SLIT3: variants seen among roughly 807,000 people sequenced by gnomAD.
SLIT3 encodes slit homolog 3 protein.
Under a neutral mutation model 184.0 loss-of-function variants are expected in SLIT3, and 68 were observed. That is an observed-to-expected ratio of 0.37 (90% CI 0.30 to 0.45). The LOEUF is 0.45. SLIT3 is among the 20% of genes least tolerant of loss of function. SLIT3 has a pLI of 1.00. For missense variants in SLIT3, 1,707 were observed against 2,026.0 expected (o/e 0.84, Z 3.02); for synonymous variants, 831 against 828.6 (o/e 1.00, Z -0.05).
rs376424890 is a variant in SLIT3, at chr5:169,077,656, C to T, written c.413+115823G>A. Among the ~76,000 whole-genome samples the T allele has an allele frequency of 1.1e-4, 16 of 152,238 alleles. No individual in the cohort carries two copies. The East Asian group carries it at 1.7e-3, about 17-fold the overall frequency. On this transcript the variant is annotated intron_variant, in intron 4 of 35. Transcript: ENST00000519560. ...ATTAGGCTATTAGTAGCTAAGTTTT[C>T]GGGGAGTCAAAAGTTAAACAGAGAT... is the stretch of plus-strand genomic sequence containing the variant.
At chr5:168,680,231 G>C (rs1396204555) in intron 32 of SLIT3, among the ~76,000 whole-genome samples, 2 of 152,214 alleles carry the variant, frequency 1.3e-5, no homozygotes, top group African/African-American at 4.8e-5. Context: ...GCTGGCATGT[G>C]AGTCTGGCCT....
intron 4 of SLIT3, among the ~76,000 whole-genome samples, chr5:169,019,240 C>T (rs879458901): frequency 3.9e-5 from 6 of 152,156 alleles, no homozygotes; most frequent in South Asian, 2.1e-4. Context: ...GGGGGTCGAC[C>T]TTTGCAGAGG....
At chr5:168,966,684 T>A (rs1763208136) in intron 4 of SLIT3, among the ~76,000 whole-genome samples, 1 of 152,162 alleles carries the variant, frequency 6.6e-6, no homozygotes, top group African/African-American at 2.4e-5. Context: ...ACTCTAAATA[T>A]CCCCCATGCC....
At chr5:168,778,024 A>C (rs1270068085) in intron 12 of SLIT3, among the ~76,000 whole-genome samples, 1 of 152,216 alleles carries the variant, frequency 6.6e-6, no homozygotes, top group Non-Finnish European at 1.5e-5. Context: ...TCCTGAACAC[A>C]GGCCTCCCTC....
chr5:169,300,576 A>G lies in SLIT3; in HGVS notation c.134T>C (p.Val45Ala). Residue 45 changes from valine (V) to alanine (A), a missense_variant, in exon 1 of 36, where the codon GTG (valine) becomes GCG (alanine). By Grantham distance (64) the Val-to-Ala change is moderately conservative. Coordinates refer to ENST00000519560, the MANE Select transcript of SLIT3 (RefSeq NM_003062.4). This position sits in a 1 kb window ranked among gnomAD's most constrained non-coding sequence, Gnocchi z 4.1. ...PTKCTCSAAS[V>A]DCHGLGLRAV... ...GCGGAGGCCCAGCCCGTGGCAGTCC[A>G]CGCTGGCAGCGGAGCAGGTACACTT... 6.6e-7 allele frequency: 1 copy of G among 1,513,934 alleles called. No individual in the cohort carries two copies. Among genetic ancestry groups the G allele is most frequent in the East Asian group, 2.7e-5 (1 of 36,838 alleles). 93.8% of individuals were successfully genotyped at this position (1,513,934 alleles called of 1,614,324 possible). A position where few individuals can be genotyped will look rare whatever the true frequency, so the allele number is the denominator to read the frequency against.
chr5:168,865,629 C>G (rs1366839994), intron 5 of SLIT3, among the ~76,000 whole-genome samples: 1 of 152,192 alleles, frequency 6.6e-6, no homozygotes, highest in African/African-American at 2.4e-5. Flanking sequence ...GTGGTGGTTA[C>G]ATGGCTATTC....
chr5:168,940,147 T>C lies in SLIT3; in HGVS notation c.414-56811A>G, dbSNP rs17070635. 3.5e-3 allele frequency among the ~76,000 whole-genome samples: 526 copies of C among 152,324 alleles called. 3 individuals are homozygous for C. The highest frequency in any genetic ancestry group is 0.012 in the African/African-American group (505 of 41,564). On this transcript the variant is annotated intron_variant, in intron 4 of 35. Transcript: ENST00000519560. Reference sequence around the variant, plus strand: ...GGTGATAAATGCTAACAGAGGGTAATAGCCCTTGGTAAGTGCCATTAGCTG... The same window carrying C: ...GGTGATAAATGCTAACAGAGGGTAACAGCCCTTGGTAAGTGCCATTAGCTG...
At chr5:168,870,825 C>T (rs1410821784) in intron 5 of SLIT3, among the ~76,000 whole-genome samples, 4 of 152,152 alleles carry the variant, frequency 2.6e-5, no homozygotes, top group African/African-American at 9.7e-5. Context: ...TTTGTGGGCT[C>T]TTGAAGCACC....
chr5:168,919,609 G>A (rs968784083), intron 4 of SLIT3, among the ~76,000 whole-genome samples: 5 of 151,790 alleles, frequency 3.3e-5, no homozygotes, highest in Non-Finnish European at 7.4e-5. Context: ...GATGGGAACT[G>A]TTGTATTGTA....
intron 4 of SLIT3, among the ~76,000 whole-genome samples, chr5:169,058,363 A>C (rs1758076003): frequency 6.6e-6 from 1 of 152,206 alleles, no homozygotes; most frequent in Non-Finnish European, 1.5e-5. Context: ...GGAAGCCAGG[A>C]AGGTGAGTAT....
At position 168,666,449 on chromosome 5, in the gene SLIT3, G is replaced by A. The variant is rs762890225; in HGVS notation, c.*5C>T. On this transcript the variant is annotated 3_prime_UTR_variant, in exon 36 of 36. Transcript: ENST00000519560. ...CCGAGAGGTGGCAGGCAGGCGGGCA[G>A]GGGCTTAGGAACACGCGAGGCAGCC... 1 of 1,546,460 alleles carries A rather than the reference G, an allele frequency of 6.5e-7. No individual in the cohort carries two copies. Among genetic ancestry groups the A allele is most frequent in the South Asian group, 1.2e-5 (1 of 81,024 alleles).
intron 4 of SLIT3, among the ~76,000 whole-genome samples, chr5:168,979,891 G>A (rs1165326637): frequency 6.6e-6 from 1 of 152,172 alleles, no homozygotes; most frequent in Non-Finnish European, 1.5e-5. Flanking sequence ...GGAGGTGCAT[G>A]TAGTTTTGCT....
chr5:169,016,372 CGGGTGA>C (rs1435529429), intron 4 of SLIT3, among the ~76,000 whole-genome samples: 5 of 152,122 alleles, frequency 3.3e-5, no homozygotes, highest in Non-Finnish European at 5.9e-5. Flanking sequence ...ACACAGCTAA[CGGGTGA>C]AATGACCAGC....
At chr5:168,926,211 T>C (rs55934779) in intron 4 of SLIT3, among the ~76,000 whole-genome samples, 4,918 of 152,050 alleles carry the variant, frequency 0.032, 244 homozygotes, top group African/African-American at 0.11. Context: ...TTCTCAGTGA[T>C]AACACTGCTT....
At chr5:169,039,300 G>T (rs1377389699) in intron 4 of SLIT3, among the ~76,000 whole-genome samples, 1 of 148,002 alleles carries the variant, frequency 6.8e-6, no homozygotes, top group African/African-American at 2.5e-5. Flanking sequence ...CTCCGTAAGA[G>T]TTAAGTTTTT....
chr5:168,748,265 G>C, intron 20 of SLIT3, 37 bp downstream of exon 20: 1 of 1,443,106 alleles, frequency 6.9e-7, no homozygotes, highest in Non-Finnish European at 9.1e-7. Flanking sequence ...CTGGTGGTGA[G>C]ATGACAGGGT....
At chr5:169,017,189 G>A (rs967936298) in intron 4 of SLIT3, among the ~76,000 whole-genome samples, 2 of 152,156 alleles carry the variant, frequency 1.3e-5, no homozygotes, top group Admixed American at 6.5e-5. Context: ...AGGCAAATTC[G>A]TGGCATAGAC....
At chr5:169,272,034 A>G (rs1030799473) in intron 1 of SLIT3, among the ~76,000 whole-genome samples, 1 of 152,232 alleles carries the variant, frequency 6.6e-6, no homozygotes, top group Non-Finnish European at 1.5e-5. Context: ...AAGCCCATCA[A>G]GCTCTCCATG....
chr5:168,738,974 G>A (rs1763527459), intron 20 of SLIT3, among the ~76,000 whole-genome samples: 1 of 143,522 alleles, frequency 7.0e-6, no homozygotes, highest in African/African-American at 2.6e-5. Flanking sequence ...CACAGTATTT[G>A]TTGCCAATGA....
Sources: allele counts gnomAD v4.1 joint callset (sites outside exome capture counted in the v4.1 genomes callset), GRCh38; gene constraint gnomAD v4.1.1; non-coding constraint Gnocchi (gnomAD v3.1); transcripts MANE v1.5; gene names NCBI Gene and HGNC (gene_info 2026-07-23, HGNC 2026-07-21).